Variants in PPFIA2 observed in about 807,000 individuals in gnomAD.
The protein encoded by PPFIA2 is liprin-alpha-2.
A neutral mutation model predicts 175.5 loss-of-function variants in PPFIA2; 46 were observed. The ratio of observed to expected loss-of-function variants is 0.26; its 90% CI spans 0.21 to 0.34. The LOEUF is 0.34. Ranked by LOEUF, PPFIA2 falls within the 10% of genes least tolerant of loss-of-function variation. The pLI is 1.00. For synonymous variants in PPFIA2, 568 were observed against 511.4 expected (o/e 1.11, Z -1.49); for missense variants, 1,179 against 1,506.1 (o/e 0.78, Z 3.60).
intron 4 of PPFIA2, among the ~76,000 whole-genome samples, chr12:81,630,764 A>G (rs2063280257): frequency 6.6e-6 from 1 of 151,888 alleles, no homozygotes; most frequent in East Asian, 2.0e-4. Flanking sequence ...GATCTATTTC[A>G]AACATAATAT....
rs1011101231 is a variant in PPFIA2, at chr12:81,439,695, G to A, written c.645+277C>T. On this transcript the variant is annotated intron_variant, in intron 7 of 32. Transcript: ENST00000549396. ...TGAGCTGTGTTTTCCTTCTTGAAAC[G>A]ACTGACGTTCTGCCTGTAGTCTTTC... 5.3e-5 allele frequency among the ~76,000 whole-genome samples: 8 copies of A among 152,134 alleles called. No individual in the cohort carries two copies. The East Asian group carries it at 1.2e-3, about 22-fold the overall frequency.
At chr12:81,313,265 A>AT (rs2051408858) in intron 22 of PPFIA2, among the ~76,000 whole-genome samples, 1 of 152,152 alleles carries the variant, frequency 6.6e-6, no homozygotes, top group Non-Finnish European at 1.5e-5. Context: ...ACTACAACTC[A>AT]TAAAACATGT....
In PPFIA2 at chr12:81,416,601, G is replaced by T. The variant is rs181303211; in HGVS notation, c.646-10698C>A. ...TGTCTCACAGTGAAAACAGCAAACA[G>T]AACTTACTGAAGGTATTGATTATTA... On this transcript the variant is annotated intron_variant, in intron 7 of 32. Coordinates refer to ENST00000549396, the MANE Select transcript of PPFIA2 (RefSeq NM_003625.5). 3.0e-3 allele frequency among the ~76,000 whole-genome samples: 448 copies of T among 151,778 alleles called. 1 individual carries two copies. The highest frequency in any genetic ancestry group is 0.01 in the African/African-American group (420 of 41,514).
At chr12:81,626,146 G>C (rs1319953468) in intron 4 of PPFIA2, among the ~76,000 whole-genome samples, 1 of 151,080 alleles carries the variant, frequency 6.6e-6, no homozygotes, top group African/African-American at 2.4e-5. Context: ...CAAGATTGTA[G>C]ATTAACTTTA....
intron 16 of PPFIA2, among the ~76,000 whole-genome samples, chr12:81,354,391 G>A (rs2060530842): frequency 1.3e-5 from 2 of 152,144 alleles, no homozygotes; most frequent in African/African-American, 4.8e-5. Flanking sequence ...TTCACCAAGA[G>A]TAGTTACCAT....
intron 4 of PPFIA2, among the ~76,000 whole-genome samples, chr12:81,483,237 A>G (rs182307368): frequency 8.5e-5 from 13 of 152,318 alleles, no homozygotes; most frequent in African/African-American, 2.6e-4. Flanking sequence ...ACACATGTCT[A>G]TAAAAAAGCT....
intron 3 of PPFIA2, among the ~76,000 whole-genome samples, chr12:81,726,751 T>C (rs113294089): frequency 2.0e-5 from 3 of 151,338 alleles, no homozygotes; most frequent in African/African-American, 7.3e-5. Context: ...CTGCCTCTTA[T>C]TGTGTGAACT....
At chr12:81,273,508 C>G (rs1385480761) in intron 28 of PPFIA2, among the ~76,000 whole-genome samples, 1 of 152,096 alleles carries the variant, frequency 6.6e-6, no homozygotes, top group Non-Finnish European at 1.5e-5. Context: ...TCTATCCTTT[C>G]TATTTCTTCT....
At chr12:81,453,196 C>G (rs1415382164) in intron 5 of PPFIA2, among the ~76,000 whole-genome samples, 5 of 136,610 alleles carry the variant, frequency 3.7e-5, no homozygotes, top group Admixed American at 1.7e-4. Flanking sequence ...CTTCCTGTGT[C>G]CATGTGATCT....
intron 4 of PPFIA2, among the ~76,000 whole-genome samples, chr12:81,626,979 A>G (rs2062788424): frequency 6.6e-6 from 1 of 151,960 alleles, no homozygotes; most frequent in Admixed American, 6.6e-5. Flanking sequence ...TTTTTGCCTC[A>G]GGTCTCATTT....
intron 5 of PPFIA2, among the ~76,000 whole-genome samples, chr12:81,457,414 T>C (rs1383525748): frequency 6.6e-6 from 1 of 152,034 alleles, no homozygotes; most frequent in Non-Finnish European, 1.5e-5. Context: ...TTTGCCCATT[T>C]CCAACCTCTG....
At chr12:81,659,250 C>G (rs1413633378) in intron 4 of PPFIA2, among the ~76,000 whole-genome samples, 1 of 151,966 alleles carries the variant, frequency 6.6e-6, no homozygotes, top group Non-Finnish European at 1.5e-5. Context: ...AAGTGTGAGC[C>G]GAAGCAGGGC....
rs2036251377 is a variant in PPFIA2, at chr12:81,263,410, G to C, written c.3556-20C>G. ...ATCACTCTGCCAGTACAGTTATAAGGTGATGTTATGAAAACAAGTAAACTA... is the reference window on the plus strand; with the variant it reads ...ATCACTCTGCCAGTACAGTTATAAGCTGATGTTATGAAAACAAGTAAACTA... On this transcript the variant is annotated intron_variant, in intron 30 of 32. Transcript: ENST00000549396. 1.2e-6 allele frequency: 2 copies of C among 1,603,968 alleles called. No individual in the cohort carries two copies. The highest frequency in any genetic ancestry group is 2.7e-5 in the African/African-American group (2 of 74,776).
At chr12:81,419,983 C>A (rs2045963090) in intron 7 of PPFIA2, among the ~76,000 whole-genome samples, 1 of 152,126 alleles carries the variant, frequency 6.6e-6, no homozygotes, top group East Asian at 1.9e-4. Flanking sequence ...GGGGACCCTG[C>A]AAGTCATTGC....
In PPFIA2 at chr12:81,575,866, G is replaced by A. The variant is rs542649116; in HGVS notation, c.303+100925C>T. Among the ~76,000 whole-genome samples the A allele has an allele frequency of 5.3e-5, 8 of 151,790 alleles. No individual in the cohort carries two copies. In the South Asian group the frequency reaches 1.7e-3, roughly 32 times the overall value. ...AGGTGTTCCAAGGTCATGCACAGAA[G>A]CTGCAAGTTGACAAAGGTCCATACT... On this transcript the variant is annotated intron_variant, in intron 4 of 32. Transcript: ENST00000549396.
chr12:81,396,520 A>T (rs1249459444), intron 8 of PPFIA2, among the ~76,000 whole-genome samples: 1 of 152,040 alleles, frequency 6.6e-6, no homozygotes, highest in African/African-American at 2.4e-5. Context: ...GTGGATTTGG[A>T]TGTGAAGTCA....
chr12:81,403,026 T>C (rs983823729), intron 8 of PPFIA2, among the ~76,000 whole-genome samples: 6 of 152,112 alleles, frequency 3.9e-5, no homozygotes, highest in African/African-American at 1.4e-4. Context: ...CACCAAAGGA[T>C]ATGGGCATGA....
chr12:81,542,004 G>A (rs1016940546), intron 4 of PPFIA2, among the ~76,000 whole-genome samples: 9 of 151,196 alleles, frequency 6.0e-5, no homozygotes, highest in African/African-American at 2.2e-4. Context: ...GATGGATACC[G>A]CAGTGAGCTG....
At chr12:81,630,099 C>T (rs1162087199) in intron 4 of PPFIA2, among the ~76,000 whole-genome samples, 2 of 152,142 alleles carry the variant, frequency 1.3e-5, no homozygotes, top group Non-Finnish European at 2.9e-5. Flanking sequence ...GAGACTCTTG[C>T]AGTTGGAAAA....
Sources: gnomAD v4.1 joint callset for allele counts (sites outside exome capture counted in the v4.1 genomes callset) on GRCh38, gnomAD v4.1.1 for gene constraint, MANE v1.5 for transcripts, NCBI Gene and HGNC (gene_info 2026-07-23, HGNC 2026-07-21) for gene names.